TRRAP: variants seen among roughly 807,000 people sequenced by gnomAD.
TRRAP encodes transformation/transcription domain-associated protein.
A neutral mutation model predicts 438.8 loss-of-function variants in TRRAP; 41 were observed. That is an observed-to-expected ratio of 0.09 (90% confidence interval 0.07 to 0.12). The LOEUF (loss-of-function observed/expected upper bound fraction) is 0.12. Among genes scored for constraint, TRRAP ranks in the 10% least tolerant of loss-of-function variants. TRRAP has a pLI of 1.00. For synonymous variants in TRRAP, 1,994 were observed against 1,962.9 expected (o/e 1.02, Z -0.42); for missense variants, 3,122 against 5,055.1 (o/e 0.62, Z 11.60).
chr7:98,950,283 G>A (rs1554417934), intron 38 of TRRAP, 21 bp downstream of exon 38: 1 of 1,613,676 alleles, frequency 6.2e-7, no homozygotes, highest in Non-Finnish European at 8.5e-7. Context: ...CTCTTATGCT[G>A]TAGAAGGGTA....
rs762289921 is a variant in TRRAP at position 98,978,916 on chromosome 7, C to T, written c.8634+12C>T. 56 of 1,613,010 alleles carry T rather than the reference C, an allele frequency of 3.5e-5. No individual in the cohort carries two copies. The highest frequency in any genetic ancestry group is 1.5e-4 in the Admixed American group (9 of 59,998). ...AGGCGCTGGTGCAGGTGAGACGCCC[C>T]GGGGGCATCCCTGCCGCTGCCTGGG... On this transcript the variant is annotated intron_variant, in intron 58 of 72. Coordinates refer to ENST00000456197, the MANE Select transcript of TRRAP (RefSeq NM_001375524.1).
intron 3 of TRRAP, 27 bp downstream of exon 3, chr7:98,882,051 C>T: frequency 6.3e-7 from 1 of 1,583,036 alleles, no homozygotes; most frequent in Non-Finnish European, 8.6e-7. Context: ...TTCTATTTTT[C>T]ATTTTGAGGT....
At chr7:98,980,085 C>A (rs534508310) in intron 58 of TRRAP, among the ~76,000 whole-genome samples, 1 of 152,286 alleles carries the variant, frequency 6.6e-6, no homozygotes, top group South Asian at 2.1e-4. Flanking sequence ...ATGTTGGAAG[C>A]TGCTGTAGTC....
At chr7:99,006,117 G>T (rs369622536) in intron 69 of TRRAP, among the ~76,000 whole-genome samples, 1 of 152,204 alleles carries the variant, frequency 6.6e-6, no homozygotes, top group Non-Finnish European at 1.5e-5. Context: ...ACCTCTGAAT[G>T]AAGTCTTTGT....
At chr7:98,958,747 C>G (rs1791744965) in intron 44 of TRRAP, among the ~76,000 whole-genome samples, 1 of 152,082 alleles carries the variant, frequency 6.6e-6, no homozygotes, top group East Asian at 1.9e-4. Flanking sequence ...CTTTTTGCAT[C>G]CTTAAGATGG....
chr7:98,966,307 GA>G (rs930701243), intron 49 of TRRAP, among the ~76,000 whole-genome samples: 33 of 143,146 alleles, frequency 2.3e-4, no homozygotes, highest in Admixed American at 5.5e-4. Context: ...CTCTGTCTTG[GA>G]AAAAAAAAAA....
rs1554419691 is a variant in TRRAP at position 98,956,148 on chromosome 7, G to A, written c.5940G>A (p.Val1980=). ...TGATGCTGGCCCTGCGTCCGCAGGT[G>A]TACTACCCGGTACGGCACCACTTGG... ...ILHLIVQHFK[V]YYPVRHHLVQ... is the part of the protein sequence containing the mutation. The change falls in exon 42 of 73, where the codon GTG becomes GTA. Residue 1980 remains valine (V), a splice_region_variant and synonymous_variant. Transcript: ENST00000456197. This position sits in a 1 kb window ranked among gnomAD's most constrained non-coding sequence, Gnocchi z 4.5. 4 of 1,610,998 alleles carry A rather than the reference G, an allele frequency of 2.5e-6. No individual in the cohort carries two copies. The highest frequency in any genetic ancestry group is 1.7e-6 in the Non-Finnish European group (2 of 1,179,408).
rs200860968 is a variant in TRRAP, at chr7:98,948,692, G to C, written c.4788+7G>C. On this transcript the variant is annotated splice_region_variant and intron_variant, in intron 35 of 72. Coordinates refer to ENST00000456197, the MANE Select transcript of TRRAP (RefSeq NM_001375524.1). This position sits in a 1 kb window ranked among gnomAD's most constrained non-coding sequence, Gnocchi z 4.9. The stretch of plus-strand genomic sequence containing the variant: ...GTGGAGCAGAATGTTTATGGTAAGA[G>C]CTGTGAGCAGCTGGAGTCAGGGGTC... 3.7e-5 allele frequency: 60 copies of C among 1,614,194 alleles called. No individual in the cohort carries two copies. Among genetic ancestry groups the C allele is most frequent in the Non-Finnish European group, 1.9e-5 (22 of 1,180,040 alleles).
intron 67 of TRRAP, among the ~76,000 whole-genome samples, chr7:98,997,132 C>T (rs1186411615): frequency 6.6e-6 from 1 of 151,780 alleles, no homozygotes; most frequent in Non-Finnish European, 1.5e-5. Context: ...ATGGTGAAAC[C>T]CCATCTCTAC....
chr7:98,977,126 A>T (rs771941401), intron 56 of TRRAP, 50 bp downstream of exon 56: 1 of 1,605,536 alleles, frequency 6.2e-7, no homozygotes, highest in Non-Finnish European at 8.5e-7. Context: ...GAGGTCATTT[A>T]TAACGGTTCT....
chr7:98,968,183 T>C (rs983539734), intron 51 of TRRAP, among the ~76,000 whole-genome samples: 1 of 152,090 alleles, frequency 6.6e-6, no homozygotes, highest in Non-Finnish European at 1.5e-5. Context: ...CACACCCGGC[T>C]GATTTTTGTA....
At chr7:98,977,554 A>G (rs903055803) in intron 56 of TRRAP, among the ~76,000 whole-genome samples, 2 of 152,242 alleles carry the variant, frequency 1.3e-5, no homozygotes, top group Non-Finnish European at 1.5e-5. Flanking sequence ...TACGTATATG[A>G]CATGAGCTAA....
At chr7:98,982,147 G>T (rs73161938) in intron 59 of TRRAP, among the ~76,000 whole-genome samples, 187 bp downstream of exon 59, 2 of 152,162 alleles carry the variant, frequency 1.3e-5, no homozygotes, top group Non-Finnish European at 2.9e-5. Context: ...AGAAAAACAT[G>T]TCGGTGTTTC....
At position 99,005,082 on chromosome 7, in the gene TRRAP, C is replaced by CCCT; in HGVS notation, c.10536-49_10536-48insCCT. ...TCCTAGCTTCTTCTCAAGACAAGGA[C>CCCT]TGGTAGCAGAGATGCAGGGCATGTC... On this transcript the variant is annotated intron_variant, in intron 68 of 72. Coordinates refer to ENST00000456197, the MANE Select transcript of TRRAP (RefSeq NM_001375524.1). The surrounding 1 kb of genome is among the most constrained non-coding windows in gnomAD (Gnocchi z 5.1). The CCCT allele has an allele frequency of 1.3e-6, 2 of 1,578,724 alleles. No homozygotes were observed. Among genetic ancestry groups the CCCT allele is most frequent in the Non-Finnish European group, 1.7e-6 (2 of 1,151,362 alleles).
intron 64 of TRRAP, among the ~76,000 whole-genome samples, chr7:98,990,988 T>C (rs190519538): frequency 3.8e-4 from 58 of 152,338 alleles, no homozygotes; most frequent in Non-Finnish European, 7.4e-4. Flanking sequence ...TTTTTTGTCA[T>C]ATGCTGGGAG....
chr7:98,991,468 A>T (rs1793431343), intron 64 of TRRAP, among the ~76,000 whole-genome samples: 1 of 152,138 alleles, frequency 6.6e-6, no homozygotes, highest in South Asian at 2.1e-4. Context: ...TCTGTGTAGC[A>T]CTTATCCTCA....
At chr7:98,949,637 C>G (rs1554417719) in intron 36 of TRRAP, 23 bp from the exon 37 acceptor site, 2 of 1,602,758 alleles carry the variant, frequency 1.2e-6, no homozygotes, top group African/African-American at 2.7e-5. Context: ...GACACGGTTC[C>G]CTAATTATCT....
chr7:98,913,879 C>A (rs1789396979), intron 18 of TRRAP, among the ~76,000 whole-genome samples: 1 of 152,124 alleles, frequency 6.6e-6, no homozygotes, highest in South Asian at 2.1e-4. Context: ...AAAATGCACT[C>A]CCTCTTGTGG....
At chr7:98,960,188 C>G (rs1195272770) in intron 45 of TRRAP, among the ~76,000 whole-genome samples, 1 of 152,186 alleles carries the variant, frequency 6.6e-6, no homozygotes, top group Non-Finnish European at 1.5e-5. Context: ...AATTTGTTAT[C>G]AAGTACCATG....
Sources: gnomAD v4.1 joint callset for allele counts (sites outside exome capture counted in the v4.1 genomes callset) on GRCh38, gnomAD v4.1.1 for gene constraint, Gnocchi (gnomAD v3.1) non-coding constraint, MANE v1.5 for transcripts, NCBI Gene and HGNC (gene_info 2026-07-23, HGNC 2026-07-21) for gene names.